MESD: variants seen among roughly 807,000 people sequenced by gnomAD.
MESD encodes the protein mesoderm development LRP chaperone, also known as LRP chaperone MESD.
In MESD, 7 loss-of-function variants were observed where a neutral mutation model predicts 12.9. That is an observed-to-expected ratio of 0.54 (90% CI 0.31 to 1.02). The LOEUF (loss-of-function observed/expected upper bound fraction) is 1.02, where lower values mean the gene tolerates loss of function less well. Among genes scored for constraint, MESD ranks in the 50% least tolerant of loss-of-function variants. The pLI is 0.05. For synonymous variants in MESD, 126 were observed against 115.6 expected (o/e 1.09, Z -0.58); for missense variants, 342 against 296.7 (o/e 1.15, Z -1.12).
At chr15:80,952,025 T>C (rs961926709) in exon 4 of MESD, 8 of 355,162 alleles carry the variant, frequency 2.3e-5, no homozygotes, top group Non-Finnish European at 3.9e-5. Flanking sequence ...AGAGAAGATA[T>C]CATTCATATG....
At chr15:80,984,883 A>G (rs910178489) in intron 1 of MESD, among the ~76,000 whole-genome samples, 2 of 152,214 alleles carry the variant, frequency 1.3e-5, no homozygotes, top group African/African-American at 4.8e-5. Context: ...AATTTTAGTA[A>G]AAAGTAAAAA....
chr15:80,958,271 G>A (rs1013390232), intron 3 of MESD, among the ~76,000 whole-genome samples: 3 of 152,056 alleles, frequency 2.0e-5, no homozygotes, highest in African/African-American at 7.2e-5. Context: ...GCCTTATCAG[G>A]TATAGAATTG....
At chr15:80,952,617 C>CGTGTGTGTGTGTGT (rs113669846) in intron 3 of MESD, among the ~76,000 whole-genome samples, 3 of 149,210 alleles carry the variant, frequency 2.0e-5, no homozygotes, top group Admixed American at 6.7e-5. Context: ...AACTATGTCT[C>CGTGTGTGTGTGTGT]GTGTGTGTGT....
chr15:80,982,594 T>C (rs1013000675), intron 1 of MESD, among the ~76,000 whole-genome samples: 11 of 152,342 alleles, frequency 7.2e-5, no homozygotes, highest in African/African-American at 2.4e-5. Flanking sequence ...AGATTTACTA[T>C]GCAATTCCGT....
At chr15:80,984,251 G>A (rs1358950275) in intron 1 of MESD, among the ~76,000 whole-genome samples, 1 of 151,966 alleles carries the variant, frequency 6.6e-6, no homozygotes, top group Non-Finnish European at 1.5e-5. Context: ...AGGTTCCTTG[G>A]AGAAAAGGCT....
intron 1 of MESD, among the ~76,000 whole-genome samples, chr15:80,983,928 G>A (rs1280767173): frequency 2.6e-5 from 3 of 116,680 alleles, no homozygotes; most frequent in African/African-American, 9.8e-5. Context: ...TTGAGATGGA[G>A]TCTCACTCTG....
At chr15:80,972,155 A>G (rs1003748797), downstream of MESD, among the ~76,000 whole-genome samples, 1 of 152,204 alleles carries the variant, frequency 6.6e-6, no homozygotes, top group African/African-American at 2.4e-5. Context: ...GAGATCAGGA[A>G]AAGTTAGAGA....
At chr15:80,981,120 G>A (rs1484967916) in intron 2 of MESD, among the ~76,000 whole-genome samples, 1 of 151,118 alleles carries the variant, frequency 6.6e-6, no homozygotes, top group Non-Finnish European at 1.5e-5. Flanking sequence ...CACTGCACCC[G>A]GCAACGCTCT....
In MESD at chr15:80,985,639, C is replaced by CTTT. The variant is rs11425497; in HGVS notation, c.214-3460_214-3458dup. Among the ~76,000 whole-genome samples the CTTT allele has an allele frequency of 8.2e-4, 73 of 89,022 alleles. 2 individuals are homozygous for CTTT. The highest frequency in any genetic ancestry group is 1.7e-3 in the African/African-American group (37 of 21,618). The allele number at this position is 89,022 out of a possible 152,430, so 58.4% of individuals were successfully genotyped here. A position where few individuals can be genotyped will look rare whatever the true frequency, so the allele number is the denominator to read the frequency against. On this transcript the variant is annotated intron_variant, in intron 1 of 2. Transcript: ENST00000261758. ...AATTAACTCAGTAGGTCCCAAGCAG[C>CTTT]TTTTTTTTTTTTTTTTTTTTTTTTT...
At chr15:80,980,597 A>G (rs376534926) in intron 2 of MESD, among the ~76,000 whole-genome samples, 14 of 152,262 alleles carry the variant, frequency 9.2e-5, no homozygotes, top group African/African-American at 3.1e-4. Context: ...AATAAAAGCT[A>G]AAGATCCAAA....
intron 3 of MESD, among the ~76,000 whole-genome samples, chr15:80,966,592 G>A (rs925631764): frequency 7.2e-5 from 11 of 152,244 alleles, no homozygotes; most frequent in Admixed American, 5.9e-4. Flanking sequence ...CACCCCTCCT[G>A]CTGTGCCACT....
chr15:80,965,488 A>G lies in MESD; in HGVS notation c.*289-13192T>C, dbSNP rs574625668. Reference sequence around the variant, plus strand: ...AAAGGATTATAAATCATGTTGCTATAAAGACACATGCACACATATGTTTAT... The same window carrying G: ...AAAGGATTATAAATCATGTTGCTATGAAGACACATGCACACATATGTTTAT... On this transcript the variant is annotated intron_variant, in intron 3 of 4. Transcript: ENST00000561312. Among the ~76,000 whole-genome samples, 13 of 152,360 alleles carry G rather than the reference A, an allele frequency of 8.5e-5. No homozygotes were observed. In the South Asian group the frequency reaches 2.7e-3, roughly 32 times the overall value.
chr15:80,983,916 T>TTTTG, intron 1 of MESD, among the ~76,000 whole-genome samples: 1 of 137,918 alleles, frequency 7.3e-6, no homozygotes, highest in African/African-American at 2.8e-5. Flanking sequence ...TTTTTTTTTT[T>TTTTG]TTTGAGATGG....
chr15:80,988,338 C>T (rs1314874256), intron 1 of MESD, among the ~76,000 whole-genome samples: 1 of 152,214 alleles, frequency 6.6e-6, no homozygotes, highest in Non-Finnish European at 1.5e-5. Context: ...ACTCATCCAT[C>T]CTGTTATCTA....
At position 80,968,643 on chromosome 15, in the gene MESD, T is replaced by C. The variant is rs117019628; in HGVS notation, c.*288+10288A>G. 7.3e-5 allele frequency among the ~76,000 whole-genome samples: 11 copies of C among 151,370 alleles called. No homozygotes were observed. In the East Asian group the frequency reaches 2.1e-3, roughly 29 times the overall value. On this transcript the variant is annotated intron_variant, in intron 3 of 4. Transcript: ENST00000561312. ...GTAAAATAGTGAGACCCCACCTCTTTACTTTAAAAATAAAATAAAAAAGAA... is the reference window on the plus strand; with the variant it reads ...GTAAAATAGTGAGACCCCACCTCTTCACTTTAAAAATAAAATAAAAAAGAA...
intron 3 of MESD, among the ~76,000 whole-genome samples, chr15:80,955,846 T>A (rs1901971206): frequency 6.6e-6 from 1 of 151,892 alleles, no homozygotes; most frequent in Admixed American, 6.6e-5. Flanking sequence ...AGTCTTAAAC[T>A]CCTTGCCTCA....
chr15:80,972,581 G>T (rs1457982954), downstream of MESD, among the ~76,000 whole-genome samples: 1 of 152,212 alleles, frequency 6.6e-6, no homozygotes, highest in Non-Finnish European at 1.5e-5. Context: ...ATTGGACTCA[G>T]GCACGTGTAA....
In MESD at chr15:80,963,286, T is replaced by C. The variant is rs147777621; in HGVS notation, c.*289-10990A>G. Among the ~76,000 whole-genome samples the C allele has an allele frequency of 5.0e-3, 766 of 152,272 alleles. 8 individuals carry two copies. The highest frequency in any genetic ancestry group is 0.015 in the South Asian group (72 of 4,820). ...CTCCCAAGACTAAACCAGGAAGAAGTTGAATCTCTGAATAGACCAATAACA... is the reference window on the plus strand; with the variant it reads ...CTCCCAAGACTAAACCAGGAAGAAGCTGAATCTCTGAATAGACCAATAACA... On this transcript the variant is annotated intron_variant, in intron 3 of 4. Coordinates refer to the MESD transcript ENST00000561312.
At chr15:80,974,074 G>A (rs1246082382), downstream of MESD, among the ~76,000 whole-genome samples, 1 of 152,016 alleles carries the variant, frequency 6.6e-6, no homozygotes, top group Non-Finnish European at 1.5e-5. Context: ...CCCCCCCACT[G>A]GGGAGAAGAA....
Sources: allele counts gnomAD v4.1 joint callset (sites outside exome capture counted in the v4.1 genomes callset), GRCh38; gene constraint gnomAD v4.1.1; transcripts MANE v1.5; gene names NCBI Gene and HGNC (gene_info 2026-07-23, HGNC 2026-07-21).